Variants in SYN3 observed in about 807,000 individuals in gnomAD.
The protein encoded by SYN3 is synapsin III.
SYN3 carries 35 observed loss-of-function variants against 65.8 expected under a neutral mutation model. The observed-to-expected ratio is 0.53, with a 90% CI of 0.41 to 0.70. The LOEUF (loss-of-function observed/expected upper bound fraction) is 0.70, where lower values mean the gene tolerates loss of function less well. Ranked by LOEUF, SYN3 falls within the 30% of genes least tolerant of loss-of-function variation. The probability of loss-of-function intolerance (pLI) is 0.00; values close to 1 mark genes in which losing one functional copy is unlikely to be tolerated. For missense variants in SYN3, 680 were observed against 749.0 expected, an observed-to-expected ratio of 0.91 and a Z score of 1.08; for synonymous variants, 270 against 292.9, an observed-to-expected ratio of 0.92 and a Z score of 0.80.
At chr22:32,735,993 G>A (rs1212624300) in intron 6 of SYN3, among the ~76,000 whole-genome samples, 2 of 152,232 alleles carry the variant, frequency 1.3e-5, no homozygotes, top group Admixed American at 6.5e-5. Flanking sequence ...GTGGGGAGAG[G>A]AGGGGGCCAT....
At chr22:32,983,203 T>A (rs1479884838) in intron 2 of SYN3, among the ~76,000 whole-genome samples, 1 of 152,140 alleles carries the variant, frequency 6.6e-6, no homozygotes, top group East Asian at 1.9e-4. Context: ...TCTCCCCTTT[T>A]CCCACAGTAA....
chr22:32,928,579 G>A (rs2050541762), intron 4 of SYN3, among the ~76,000 whole-genome samples: 2 of 152,130 alleles, frequency 1.3e-5, no homozygotes, highest in Admixed American at 6.5e-5. Flanking sequence ...ATTGTAAATT[G>A]GGGACCATCT....
At chr22:32,528,096 A>T in intron 11 of SYN3, 91 bp from the exon 12 acceptor site, 1 of 1,006,316 alleles carries the variant, frequency 9.9e-7, no homozygotes, top group East Asian at 2.6e-5. Flanking sequence ...TCTTTTTATC[A>T]TTGAGAAGAG....
At chr22:32,776,393 A>C (rs1008499800) in intron 6 of SYN3, among the ~76,000 whole-genome samples, 2 of 152,214 alleles carry the variant, frequency 1.3e-5, no homozygotes, top group East Asian at 1.9e-4. Context: ...CCCATGAGGC[A>C]ATAAGATAGT....
intron 3 of SYN3, among the ~76,000 whole-genome samples, chr22:32,973,501 C>A (rs2052086811): frequency 6.6e-6 from 1 of 152,142 alleles, no homozygotes; most frequent in Admixed American, 6.5e-5. Flanking sequence ...AGGTAGCCAC[C>A]CAGTTTCTGC....
intron 6 of SYN3, among the ~76,000 whole-genome samples, chr22:32,606,722 C>T (rs1323615286): frequency 6.6e-6 from 1 of 152,150 alleles, no homozygotes; most frequent in Non-Finnish European, 1.5e-5. Context: ...CCTCTGGCCA[C>T]AGGGGCTTTG....
intron 4 of SYN3, among the ~76,000 whole-genome samples, chr22:32,921,896 C>T (rs926947706): frequency 3.3e-5 from 5 of 152,138 alleles, no homozygotes; most frequent in South Asian, 2.1e-4. Flanking sequence ...CTGCTGTCAC[C>T]GTGGCAAATC....
At chr22:32,773,146 T>C (rs1328376449) in intron 6 of SYN3, among the ~76,000 whole-genome samples, 1 of 151,962 alleles carries the variant, frequency 6.6e-6, no homozygotes, top group African/African-American at 2.4e-5. Flanking sequence ...TGGTGGCTCA[T>C]GGGTAATCCT....
rs368404337 is a variant in SYN3 at position 32,892,199 on chromosome 22, G to T, written c.462-23074C>A. ...TAATCCCAGCTACTCAGGTGGCTGAGGCAGGAGAAGTGCTTGAACCCGGGA... is the reference window on the plus strand; with the variant it reads ...TAATCCCAGCTACTCAGGTGGCTGATGCAGGAGAAGTGCTTGAACCCGGGA... On this transcript the variant is annotated intron_variant, in intron 4 of 13. Transcript: ENST00000358763. 6.6e-5 allele frequency among the ~76,000 whole-genome samples: 10 copies of T among 152,258 alleles called. No individual in the cohort carries two copies. In the East Asian group the frequency reaches 1.7e-3, roughly 26 times the overall value.
intron 7 of SYN3, among the ~76,000 whole-genome samples, chr22:32,573,764 G>GT (rs1206847975): frequency 0.018 from 2,002 of 108,496 alleles, 24 homozygotes; most frequent in African/African-American, 0.042. Flanking sequence ...GAAGGAAGGG[G>GT]TTTTTTTTTT....
At chr22:32,747,870 G>A (rs1248877870) in intron 6 of SYN3, among the ~76,000 whole-genome samples, 10 of 152,194 alleles carry the variant, frequency 6.6e-5, no homozygotes, top group African/African-American at 2.4e-4. Flanking sequence ...ATTCTTGCCT[G>A]GGCTTGGTCA....
chr22:32,586,522 C>G (rs1198149480), intron 7 of SYN3, among the ~76,000 whole-genome samples: 1 of 152,086 alleles, frequency 6.6e-6, no homozygotes, highest in Non-Finnish European at 1.5e-5. Flanking sequence ...TTCAGCACTA[C>G]ACTTCGAGGG....
chr22:32,963,242 ATTTTTTTTTT>A (rs59829876), intron 3 of SYN3, among the ~76,000 whole-genome samples: 3 of 111,842 alleles, frequency 2.7e-5, no homozygotes, highest in South Asian at 2.9e-4. Flanking sequence ...TGCCTGGCTA[ATTTTTTTTTT>A]TTTTTTTTTT....
intron 4 of SYN3, among the ~76,000 whole-genome samples, chr22:32,875,083 T>C (rs1359797070): frequency 6.6e-6 from 1 of 152,140 alleles, no homozygotes; most frequent in Non-Finnish European, 1.5e-5. Context: ...TAGTGATGCT[T>C]CCCGCCAGCC....
intron 6 of SYN3, among the ~76,000 whole-genome samples, chr22:32,832,833 TC>T (rs2047617050): frequency 6.6e-6 from 1 of 152,052 alleles, no homozygotes; most frequent in Non-Finnish European, 1.5e-5. Context: ...GCTCAAGTGA[TC>T]CGTTTCCCTC....
intron 6 of SYN3, among the ~76,000 whole-genome samples, chr22:32,752,872 G>A (rs529093184): frequency 5.3e-4 from 81 of 152,248 alleles, no homozygotes; most frequent in African/African-American, 1.7e-3. Flanking sequence ...CTTCTCTGGC[G>A]GAAGTGTGTG....
intron 6 of SYN3, among the ~76,000 whole-genome samples, chr22:32,759,898 T>TACCCACCCACCCCCAGCCAGC (rs1555950909): frequency 1.1e-4 from 4 of 36,296 alleles, no homozygotes; most frequent in South Asian, 2.2e-3. Context: ...CAGCAGCCAG[T>TACCCACCCACCCCCAGCCAGC]ACCCACCCAC....
intron 3 of SYN3, among the ~76,000 whole-genome samples, chr22:32,954,056 G>T (rs888364809): frequency 6.6e-6 from 1 of 151,942 alleles, no homozygotes; most frequent in Non-Finnish European, 1.5e-5. Flanking sequence ...CCTGATAGTC[G>T]CCCCTTCCTG....
intron 6 of SYN3, among the ~76,000 whole-genome samples, chr22:32,657,181 T>C (rs1055350075): frequency 1.3e-5 from 2 of 150,980 alleles, no homozygotes; most frequent in African/African-American, 4.9e-5. Flanking sequence ...TGGAGTGCAG[T>C]GGCGCGATCT....
Sources: allele counts gnomAD v4.1 joint callset (sites outside exome capture counted in the v4.1 genomes callset), GRCh38; gene constraint gnomAD v4.1.1; transcripts MANE v1.5; gene names NCBI Gene and HGNC (gene_info 2026-07-23, HGNC 2026-07-21).